The following ZC3HAV1 variants were observed in gnomAD, a reference collection of about 807,000 sequenced individuals.
ZC3HAV1 encodes the protein zinc finger CCCH-type antiviral protein 1.
Under a neutral mutation model 86.6 loss-of-function variants are expected in ZC3HAV1, and 41 were observed. The ratio of observed to expected loss-of-function variants is 0.47; its 90% CI spans 0.37 to 0.61. The LOEUF is 0.61. Among genes scored for constraint, ZC3HAV1 ranks in the 20% least tolerant of loss-of-function variants. The pLI, the probability that ZC3HAV1 is intolerant of heterozygous loss-of-function variation, is 0.00. For missense variants in ZC3HAV1, 964 were observed against 1,141.1 expected, an observed-to-expected ratio of 0.84 and a Z score of 2.24; for synonymous variants, 421 against 432.1, an observed-to-expected ratio of 0.97 and a Z score of 0.32.
intron 1 of ZC3HAV1, among the ~76,000 whole-genome samples, chr7:139,097,559 C>G (rs959571192): frequency 1.3e-5 from 2 of 148,490 alleles, no homozygotes; most frequent in African/African-American, 2.5e-5. Context: ...CTCAGCCTCC[C>G]GAGTAGCTGG....
intron 7 of ZC3HAV1, among the ~76,000 whole-genome samples, chr7:139,067,892 C>A (rs188129824): frequency 7.2e-5 from 11 of 152,098 alleles, no homozygotes; most frequent in South Asian, 2.1e-4. Context: ...GGGGCTTCAG[C>A]TAGGGAAGTT....
chr7:139,071,758 G>A (rs879137863), intron 7 of ZC3HAV1, among the ~76,000 whole-genome samples: 5 of 152,210 alleles, frequency 3.3e-5, no homozygotes, highest in Admixed American at 3.3e-4. Context: ...ACAGCTCTGA[G>A]CCCATATCCT....
rs780968153 is a variant in ZC3HAV1, at chr7:139,089,865, T to C, written c.309-106A>G. The C allele has an allele frequency of 1.2e-5, 15 of 1,252,410 alleles. No individual in the cohort carries two copies. In the South Asian group the frequency reaches 1.6e-4, roughly 13 times the overall value. 77.6% of individuals were successfully genotyped at this position (1,252,410 alleles called of 1,614,324 possible). A position where few individuals can be genotyped will look rare whatever the true frequency, so the allele number is the denominator to read the frequency against. ...TGCAAAGACCCGTGCCCATATTCTC[T>C]GACAACAGACACAGGTTGGTTCTGC... On this transcript the variant is annotated intron_variant, in intron 1 of 12. Transcript: ENST00000242351.
intron 2 of ZC3HAV1, among the ~76,000 whole-genome samples, chr7:139,086,791 AG>A (rs1380371106): frequency 6.6e-6 from 1 of 152,150 alleles, no homozygotes; most frequent in Non-Finnish European, 1.5e-5. Context: ...GGTTTTATAA[AG>A]GGCTTCCCCC....
intron 3 of ZC3HAV1, among the ~76,000 whole-genome samples, chr7:139,080,997 A>T (rs1175738418): frequency 6.6e-6 from 1 of 152,228 alleles, no homozygotes; most frequent in African/African-American, 2.4e-5. Context: ...AGGCCAAAGT[A>T]TATCAGAAGT....
chr7:139,059,907 G>C (rs1385509495), intron 9 of ZC3HAV1, among the ~76,000 whole-genome samples: 1 of 152,162 alleles, frequency 6.6e-6, no homozygotes, highest in Non-Finnish European at 1.5e-5. Flanking sequence ...GCAACCGTGA[G>C]GAAGGTATTA....
intron 2 of ZC3HAV1, among the ~76,000 whole-genome samples, chr7:139,088,031 CAAAAAAAAAAAAAAA>C (rs10544425): frequency 1.7e-5 from 1 of 57,872 alleles, no homozygotes; most frequent in Admixed American, 2.3e-4. Context: ...GATCCTGTCT[CAAAAAAAAAAAAAAA>C]AAAAAAAAAG....
At chr7:139,083,096 T>C (rs1425668843) in intron 3 of ZC3HAV1, among the ~76,000 whole-genome samples, 5 of 152,126 alleles carry the variant, frequency 3.3e-5, no homozygotes, top group Admixed American at 6.5e-5. Context: ...AGTAGCTGCA[T>C]GTATACATAG....
intron 1 of ZC3HAV1, among the ~76,000 whole-genome samples, chr7:139,101,485 C>A (rs1223620079): frequency 9.3e-6 from 1 of 107,684 alleles, no homozygotes; most frequent in African/African-American, 3.7e-5. Context: ...AGCGCCTCAG[C>A]CCGGCCACCA....
At chr7:139,082,606 G>A (rs542090463) in intron 3 of ZC3HAV1, among the ~76,000 whole-genome samples, 76 of 152,142 alleles carry the variant, frequency 5.0e-4, no homozygotes, top group African/African-American at 1.6e-3. Context: ...AATATCCATC[G>A]ACAGATGAAT....
chr7:139,089,797 C>T (rs772645562), intron 1 of ZC3HAV1, 38 bp from the exon 2 acceptor site: 4 of 1,561,116 alleles, frequency 2.6e-6, no homozygotes, highest in Admixed American at 4.0e-5. Context: ...ATTTCTACTA[C>T]ACAGATGCAA....
At chr7:139,107,381 C>G (rs901833866) in intron 1 of ZC3HAV1, among the ~76,000 whole-genome samples, 1 of 152,194 alleles carries the variant, frequency 6.6e-6, no homozygotes, top group Non-Finnish European at 1.5e-5. Flanking sequence ...GGTTTTTGCT[C>G]TAAAGAAATT....
intron 1 of ZC3HAV1, among the ~76,000 whole-genome samples, chr7:139,107,793 A>C (rs4732354): frequency 0.25 from 37,676 of 152,092 alleles, 4,914 homozygotes; most frequent in East Asian, 0.44. Context: ...GTTTGCTGAC[A>C]ACCATTTTAA....
chr7:139,067,262 G>A (rs867233246), intron 7 of ZC3HAV1, among the ~76,000 whole-genome samples: 2 of 151,844 alleles, frequency 1.3e-5, no homozygotes, highest in Admixed American at 6.6e-5. Context: ...GAATTCTCCC[G>A]CCTCAGCCTC....
At chr7:139,069,619 A>G (rs1283751154) in intron 7 of ZC3HAV1, among the ~76,000 whole-genome samples, 1 of 152,002 alleles carries the variant, frequency 6.6e-6, no homozygotes, top group African/African-American at 2.4e-5. Context: ...CATCGATTCA[A>G]TCATCACTTC....
chr7:139,073,935 G>A lies in ZC3HAV1; in HGVS notation c.1793C>T (p.Pro598Leu). ...TTTGGTGGTGAAGACAGAATTGGCTGGCTTGGTGACAGAAGAAGGAGTGGA... is the reference window on the plus strand; with the variant it reads ...TTTGGTGGTGAAGACAGAATTGGCTAGCTTGGTGACAGAAGAAGGAGTGGA... ...RLSTPSSVTK[P>L]ANSVFTTKWI... The change falls in exon 7 of 13, where the codon CCA becomes CTA. Residue 598 changes from proline (P) to leucine (L), a missense_variant. Physicochemically the swap from Pro to Leu is moderately conservative, Grantham distance 98 (BLOSUM62 -3). Transcript: ENST00000242351. The A allele has an allele frequency of 6.2e-7, 1 of 1,614,036 alleles. No individual in the cohort carries two copies. Among genetic ancestry groups the A allele is most frequent in the Non-Finnish European group, 8.5e-7 (1 of 1,179,896 alleles).
In ZC3HAV1 at chr7:139,065,007, G is replaced by A; in HGVS notation, c.1873-8C>T. On this transcript the variant is annotated splice_region_variant and splice_polypyrimidine_tract_variant and intron_variant, in intron 7 of 12. Transcript: ENST00000242351. The stretch of plus-strand genomic sequence containing the variant: ...ATTTTTCCGTTTGTCTTTCTAATTG[G>A]AAAAAAAATAAAAGGTAAAGTCAGG... 6.2e-7 allele frequency: 1 copy of A among 1,608,284 alleles called. No homozygotes were observed. Among genetic ancestry groups the A allele is most frequent in the Admixed American group, 1.7e-5 (1 of 58,218 alleles).
intron 1 of ZC3HAV1, among the ~76,000 whole-genome samples, chr7:139,093,818 A>G (rs1380767948): frequency 6.6e-6 from 1 of 152,156 alleles, no homozygotes; most frequent in Non-Finnish European, 1.5e-5. Flanking sequence ...ACGCGAGTGA[A>G]AATTAGTATT....
intron 8 of ZC3HAV1, among the ~76,000 whole-genome samples, chr7:139,061,532 T>C (rs1457962973): frequency 6.6e-6 from 1 of 152,230 alleles, no homozygotes; most frequent in African/African-American, 2.4e-5. Context: ...GTGTGAAATA[T>C]CATTTTCAAT....
Sources: allele counts gnomAD v4.1 joint callset (sites outside exome capture counted in the v4.1 genomes callset), GRCh38; gene constraint gnomAD v4.1.1; transcripts MANE v1.5; gene names NCBI Gene and HGNC (gene_info 2026-07-23, HGNC 2026-07-21).